The following ATOSB variants were observed in gnomAD, a reference collection of about 807,000 sequenced individuals.
ATOSB encodes the protein atos homolog B.
chr9:35,114,823 A>G, the ATOSB span, among the ~76,000 whole-genome samples: 2 of 152,116 alleles, frequency 1.3e-5, no homozygotes, highest in Admixed American at 6.5e-5. Flanking sequence ...TGTTTGTGGC[A>G]AGTGGTTAAA....
the ATOSB span, chr9:35,108,020 C>T: frequency 6.5e-7 from 1 of 1,550,328 alleles, no homozygotes; most frequent in Non-Finnish European, 8.7e-7. Context: ...CTCTGGCCCC[C>T]AGCCCAGGGC....
chr9:35,116,182 C>G, the ATOSB span: 2 of 152,344 alleles, frequency 1.3e-5, no homozygotes, highest in Non-Finnish European at 2.9e-5. Context: ...TGGCAGAAGT[C>G]GCGCCAAGAC....
chr9:35,104,593 A>T, the ATOSB span: 1 of 413,416 alleles, frequency 2.4e-6, no homozygotes, highest in Admixed American at 2.8e-5. Context: ...GCACACACAC[A>T]TACGCATAAC....
At chr9:35,107,750 T>C in the ATOSB span, 1 of 1,574,326 alleles carries the variant, frequency 6.4e-7, no homozygotes, top group South Asian at 1.2e-5. Context: ...GGGCTGGCCC[T>C]GGGGACTCCC....
the ATOSB span, chr9:35,105,887 G>T: frequency 6.2e-7 from 1 of 1,613,872 alleles, no homozygotes; most frequent in Non-Finnish European, 8.5e-7. The surrounding 1 kb of genome is among the most constrained non-coding windows in gnomAD (Gnocchi z 5.5). Context: ...GGTTGGTAGG[G>T]CCTGAGGGCT....
chr9:35,107,360 T>C, the ATOSB span: 3 of 1,538,080 alleles, frequency 2.0e-6, no homozygotes. Flanking sequence ...AAAGAGTAAA[T>C]GAGGTCCTTT....
chr9:35,114,441 G>T, the ATOSB span, among the ~76,000 whole-genome samples: 2 of 151,726 alleles, frequency 1.3e-5, no homozygotes, highest in African/African-American at 2.4e-5. Flanking sequence ...CTGGCTTGGG[G>T]CCCCTTTTAG....
the ATOSB span, chr9:35,106,020 AG>A: frequency 6.2e-7 from 1 of 1,611,946 alleles, no homozygotes; most frequent in Non-Finnish European, 8.5e-7. This position sits in a 1 kb window ranked among gnomAD's most constrained non-coding sequence, Gnocchi z 4.6. Context: ...CTGGAAGGCC[AG>A]GGAGCCATCA....
the ATOSB span, chr9:35,108,775 G>C: frequency 9.8e-6 from 8 of 812,194 alleles, no homozygotes; most frequent in Non-Finnish European, 1.2e-5. Flanking sequence ...AGGATCACTG[G>C]AGCCAGCGGT....
chr9:35,105,074 A>T, the ATOSB span: 3 of 865,708 alleles, frequency 3.5e-6, no homozygotes, highest in Non-Finnish European at 3.4e-6. This position sits in a 1 kb window ranked among gnomAD's most constrained non-coding sequence, Gnocchi z 5.5. Flanking sequence ...CAGAAGCTTT[A>T]AACACCCAAA....
the ATOSB span, among the ~76,000 whole-genome samples, chr9:35,114,498 C>T: frequency 6.6e-6 from 1 of 152,136 alleles, no homozygotes; most frequent in Non-Finnish European, 1.5e-5. Context: ...TCAAGCCTTT[C>T]CCACCCTCTC....
chr9:35,105,045 G>A, the ATOSB span: 1 of 643,152 alleles, frequency 1.6e-6, no homozygotes, highest in Admixed American at 3.6e-5. The surrounding 1 kb of genome is among the most constrained non-coding windows in gnomAD (Gnocchi z 5.5). Context: ...CCCGAAGTAG[G>A]GCAGGGTGTA....
At chr9:35,113,902 G>C in the ATOSB span, among the ~76,000 whole-genome samples, 2 of 152,098 alleles carry the variant, frequency 1.3e-5, no homozygotes, top group Non-Finnish European at 2.9e-5. Flanking sequence ...AACAGGCCCT[G>C]GGCTGAGTGA....
chr9:35,112,546 C>T, the ATOSB span, among the ~76,000 whole-genome samples: 1 of 152,336 alleles, frequency 6.6e-6, no homozygotes, highest in South Asian at 2.1e-4. Context: ...TAACCCTTGT[C>T]CTCCTATTCT....
At chr9:35,106,075 C>A in the ATOSB span, 10 of 1,548,634 alleles carry the variant, frequency 6.5e-6, no homozygotes, top group South Asian at 1.1e-4. The surrounding 1 kb of genome is among the most constrained non-coding windows in gnomAD (Gnocchi z 4.6). Flanking sequence ...AAACACATGT[C>A]CCTCTCCACA....
the ATOSB span, chr9:35,105,835 G>A: frequency 2.5e-6 from 4 of 1,614,194 alleles, no homozygotes; most frequent in Non-Finnish European, 3.4e-6. This position sits in a 1 kb window ranked among gnomAD's most constrained non-coding sequence, Gnocchi z 5.5. Context: ...CTTTACCACA[G>A]TCTGGTTGGG....
chr9:35,108,649 C>G, the ATOSB span: 1 of 1,025,702 alleles, frequency 9.7e-7, no homozygotes, highest in African/African-American at 1.7e-5. Context: ...ACTGATGCCT[C>G]GTGCCCCTAG....
chr9:35,112,545 T>A, the ATOSB span, among the ~76,000 whole-genome samples: 3 of 152,324 alleles, frequency 2.0e-5, no homozygotes, highest in South Asian at 6.2e-4. Flanking sequence ...CTAACCCTTG[T>A]CCTCCTATTC....
At chr9:35,113,922 C>T in the ATOSB span, among the ~76,000 whole-genome samples, 1 of 152,126 alleles carries the variant, frequency 6.6e-6, no homozygotes, top group Non-Finnish European at 1.5e-5. Flanking sequence ...AACAGCAATC[C>T]GGCGATCTGG....
Sources: allele counts gnomAD v4.1 joint callset (sites outside exome capture counted in the v4.1 genomes callset), GRCh38; gene constraint gnomAD v4.1.1; non-coding constraint Gnocchi (gnomAD v3.1); transcripts MANE v1.5; gene names NCBI Gene and HGNC (gene_info 2026-07-23, HGNC 2026-07-21).